Variants in PIAS1 observed in about 807,000 individuals in gnomAD.
PIAS1 encodes the protein E3 SUMO-protein ligase PIAS1.
Under a neutral mutation model 71.3 loss-of-function variants are expected in PIAS1, and 6 were observed. The observed-to-expected ratio is 0.08, with a 90% CI of 0.05 to 0.17. The LOEUF (loss-of-function observed/expected upper bound fraction) is 0.17. Ranked by LOEUF, PIAS1 falls within the 10% of genes least tolerant of loss-of-function variation. PIAS1 has a pLI of 1.00. For synonymous variants in PIAS1, 303 were observed against 292.9 expected (o/e 1.03, Z -0.35); for missense variants, 555 against 793.6 (o/e 0.70, Z 3.61).
At chr15:68,068,893 CTTT>C (rs11298983) in intron 1 of PIAS1, among the ~76,000 whole-genome samples, 22 of 76,590 alleles carry the variant, frequency 2.9e-4, no homozygotes, top group Non-Finnish European at 2.9e-4. Flanking sequence ...TGTTTTTGTC[CTTT>C]TTTTTTTTTT....
intron 7 of PIAS1, among the ~76,000 whole-genome samples, chr15:68,156,550 T>C (rs2092890642): frequency 6.6e-6 from 1 of 151,274 alleles, no homozygotes; most frequent in Non-Finnish European, 1.5e-5. Flanking sequence ...CTACTAAAAA[T>C]ACAAAAAAAT....
chr15:68,177,278 C>CAAAAAAAAAAAAAAAAAAAAAAAAA (rs3083984), intron 11 of PIAS1, among the ~76,000 whole-genome samples: 1 of 90,874 alleles, frequency 1.1e-5, no homozygotes, highest in Non-Finnish European at 2.1e-5. Context: ...GACTTTGTCT[C>CAAAAAAAAAAAAAAAAAAAAAAAAA]AAAAAAAAAA....
In PIAS1 at chr15:68,078,416, A is replaced by G. The variant is rs187550295; in HGVS notation, c.25-7890A>G. On this transcript the variant is annotated intron_variant, in intron 1 of 13. Coordinates refer to ENST00000249636, the MANE Select transcript of PIAS1 (RefSeq NM_016166.3). The stretch of plus-strand genomic sequence containing the variant: ...GTTTTTTTCTTATTTCAGCCATCCT[A>G]TTGGTGGTTACTTCGGTAACTTCCT... Among the ~76,000 whole-genome samples, 129 of 152,206 alleles carry G rather than the reference A, an allele frequency of 8.5e-4. 1 individual carries two copies. Among genetic ancestry groups the G allele is most frequent in the Middle Eastern group, 3.4e-3 (1 of 294 alleles).
intron 6 of PIAS1, among the ~76,000 whole-genome samples, chr15:68,150,192 GTT>G (rs761963422): frequency 6.6e-6 from 1 of 151,872 alleles, no homozygotes; most frequent in Non-Finnish European, 1.5e-5. Context: ...TTTTGAAAAT[GTT>G]TTGTTTTTGT....
chr15:68,055,630 CTG>C (rs377189745), intron 1 of PIAS1, among the ~76,000 whole-genome samples: 7 of 152,242 alleles, frequency 4.6e-5, no homozygotes, highest in African/African-American at 1.7e-4. Context: ...CTGTGGCTTC[CTG>C]TGTGTGTGAA....
In PIAS1 at chr15:68,134,645, C is replaced by T. The variant is rs1195096218; in HGVS notation, c.470-7301C>T. On this transcript the variant is annotated intron_variant, in intron 2 of 13. Transcript: ENST00000249636. Reference sequence around the variant, plus strand: ...TAACCCCCCCCACCTCCCTCCCGGACGGGGCGGCTGGCCGGGCGGGGGGAT... The same window carrying T: ...TAACCCCCCCCACCTCCCTCCCGGATGGGGCGGCTGGCCGGGCGGGGGGAT... Among the ~76,000 whole-genome samples, 19 of 32,294 alleles carry T rather than the reference C, an allele frequency of 5.9e-4. 4 individuals are homozygous for T. The highest frequency in any genetic ancestry group is 9.2e-4 in the African/African-American group (16 of 17,356). The allele number at this position is 32,294 out of a possible 152,430, so 21.2% of individuals were successfully genotyped here. A position where few individuals can be genotyped will look rare whatever the true frequency, so the allele number is the denominator to read the frequency against.
intron 7 of PIAS1, among the ~76,000 whole-genome samples, chr15:68,156,193 A>G (rs556397885): frequency 6.6e-6 from 1 of 152,366 alleles, no homozygotes; most frequent in South Asian, 2.1e-4. Flanking sequence ...GGTAAGAAAG[A>G]CAGGCATTAA....
chr15:68,186,639 C>G lies in PIAS1; in HGVS notation c.1663-903C>G, dbSNP rs2093089657. 6.6e-6 allele frequency among the ~76,000 whole-genome samples: 1 copy of G among 152,230 alleles called. No individual in the cohort carries two copies. The highest frequency in any genetic ancestry group is 1.5e-5 in the Non-Finnish European group (1 of 68,044). On this transcript the variant is annotated intron_variant, in intron 13 of 13. Transcript: ENST00000249636. The surrounding 1 kb of genome is among the most constrained non-coding windows in gnomAD (Gnocchi z 4.4). Reference sequence around the variant, plus strand: ...CTCACCATTCACTCACTGGCTCACCCAGAGCAACTTCCAGTACTGCAGGCT... The same window carrying G: ...CTCACCATTCACTCACTGGCTCACCGAGAGCAACTTCCAGTACTGCAGGCT...
intron 1 of PIAS1, among the ~76,000 whole-genome samples, chr15:68,072,399 C>CAAAAAAAAAAAA (rs1166484451): frequency 4.0e-4 from 10 of 25,014 alleles, no homozygotes; most frequent in African/African-American, 1.3e-3. Flanking sequence ...GACTCCATCT[C>CAAAAAAAAAAAA]AAAAAAAAAA....
chr15:68,077,741 T>C (rs2092183979), intron 1 of PIAS1, among the ~76,000 whole-genome samples: 1 of 152,246 alleles, frequency 6.6e-6, no homozygotes, highest in Admixed American at 6.5e-5. Flanking sequence ...TATTACCATG[T>C]AGCATTGTGT....
intron 6 of PIAS1, among the ~76,000 whole-genome samples, chr15:68,150,442 G>A (rs553469617): frequency 1.3e-5 from 2 of 152,152 alleles, no homozygotes; most frequent in Non-Finnish European, 2.9e-5. Context: ...TTAATAGATT[G>A]TTTTTAAATT....
chr15:68,134,991 G>A (rs2092715235), intron 2 of PIAS1, among the ~76,000 whole-genome samples: 2 of 47,208 alleles, frequency 4.2e-5, no homozygotes, highest in African/African-American at 8.6e-5. Flanking sequence ...CCTCCCTCCC[G>A]GACGGGGCGG....
intron 8 of PIAS1, among the ~76,000 whole-genome samples, chr15:68,165,744 T>C (rs550776953): frequency 6.6e-6 from 1 of 152,200 alleles, no homozygotes; most frequent in Non-Finnish European, 1.5e-5. Flanking sequence ...GGGGTGGTGG[T>C]TGAATATGGC....
At chr15:68,084,581 A>G (rs1369377319) in intron 1 of PIAS1, among the ~76,000 whole-genome samples, 1 of 152,190 alleles carries the variant, frequency 6.6e-6, no homozygotes, top group Non-Finnish European at 1.5e-5. Flanking sequence ...CAGAACATGA[A>G]TTTGAGCATT....
chr15:68,075,417 G>A (rs2092151723), intron 1 of PIAS1, among the ~76,000 whole-genome samples: 1 of 152,100 alleles, frequency 6.6e-6, no homozygotes, highest in Non-Finnish European at 1.5e-5. Context: ...TTTTGCTACT[G>A]TAGTAACTTT....
intron 2 of PIAS1, among the ~76,000 whole-genome samples, chr15:68,121,973 C>A (rs1053961542): frequency 6.6e-6 from 1 of 151,918 alleles, no homozygotes; most frequent in Non-Finnish European, 1.5e-5. Context: ...ACAAAAAATA[C>A]AAAAAATTAG....
At chr15:68,110,870 A>G (rs937267585) in intron 2 of PIAS1, among the ~76,000 whole-genome samples, 4 of 152,176 alleles carry the variant, frequency 2.6e-5, no homozygotes, top group African/African-American at 7.2e-5. Context: ...TTTGTTGTAG[A>G]CTGTTTTTAT....
chr15:68,055,338 G>A (rs2140946891), intron 1 of PIAS1: 1 of 317,202 alleles, frequency 3.2e-6, no homozygotes, highest in Non-Finnish European at 4.6e-6. Context: ...TCCAACCCCC[G>A]ATAAATAGAA....
chr15:68,097,677 C>T (rs565258224), intron 2 of PIAS1, among the ~76,000 whole-genome samples: 9 of 152,152 alleles, frequency 5.9e-5, no homozygotes, highest in Non-Finnish European at 1.2e-4. Flanking sequence ...AGGTGATCTA[C>T]CTGCCTCGGC....
Sources: gnomAD v4.1 joint callset for allele counts (sites outside exome capture counted in the v4.1 genomes callset) on GRCh38, gnomAD v4.1.1 for gene constraint, Gnocchi (gnomAD v3.1) non-coding constraint, MANE v1.5 for transcripts, NCBI Gene and HGNC (gene_info 2026-07-23, HGNC 2026-07-21) for gene names.